HHIPL1: variants seen among roughly 807,000 people sequenced by gnomAD.
HHIPL1 encodes HHIP like 1, also known as HHIP-like protein 1.
Under a neutral mutation model 61.8 loss-of-function variants are expected in HHIPL1, and 43 were observed. That is an observed-to-expected ratio of 0.70 (90% CI 0.55 to 0.90). HHIPL1 has a LOEUF of 0.90. Among genes scored for constraint, HHIPL1 ranks in the 40% least tolerant of loss-of-function variants. The probability of loss-of-function intolerance (pLI) is 0.00; values close to 1 mark genes in which losing one functional copy is unlikely to be tolerated. For missense variants in HHIPL1, 1,056 were observed against 1,157.7 expected (o/e 0.91, Z 1.28); for synonymous variants, 482 against 515.8 (o/e 0.93, Z 0.89).
upstream of HHIPL1, among the ~76,000 whole-genome samples, chr14:99,644,945 C>T (rs191303158): frequency 2.5e-4 from 38 of 152,286 alleles, no homozygotes; most frequent in East Asian, 7.2e-3. Context: ...GAAAACACAC[C>T]GGGGCTTTAA....
chr14:99,607,948 G>T, the HHIPL1 span, among the ~76,000 whole-genome samples: 1 of 152,198 alleles, frequency 6.6e-6, no homozygotes, highest in Non-Finnish European at 1.5e-5. Flanking sequence ...GCAATGCATT[G>T]TGGTAAGTAC....
At chr14:99,621,917 G>A in the HHIPL1 span, among the ~76,000 whole-genome samples, 3 of 151,854 alleles carry the variant, frequency 2.0e-5, no homozygotes, top group South Asian at 2.1e-4. Context: ...GGGTTTCACC[G>A]TGTTGGCCAG....
At chr14:99,661,521 G>T (rs1011801100) in intron 5 of HHIPL1, among the ~76,000 whole-genome samples, 1 of 151,838 alleles carries the variant, frequency 6.6e-6, no homozygotes, top group African/African-American at 2.4e-5. Context: ...AGGCTGGAAT[G>T]CAGTGGCACA....
chr14:99,629,092 T>C, the HHIPL1 span, among the ~76,000 whole-genome samples: 1 of 152,152 alleles, frequency 6.6e-6, no homozygotes, highest in Non-Finnish European at 1.5e-5. Flanking sequence ...CCCGCGGATG[T>C]AGGACCTTTC....
the HHIPL1 span, among the ~76,000 whole-genome samples, chr14:99,636,411 G>A: frequency 0.041 from 6,168 of 152,246 alleles, 421 homozygotes; most frequent in African/African-American, 0.14. Flanking sequence ...CTCCTAGCAC[G>A]GTTGTGGGTC....
the HHIPL1 span, among the ~76,000 whole-genome samples, chr14:99,618,270 T>C: frequency 6.6e-6 from 1 of 152,208 alleles, no homozygotes; most frequent in African/African-American, 2.4e-5. Flanking sequence ...CCCAGAGCTT[T>C]GTCCTGGAAG....
the HHIPL1 span, among the ~76,000 whole-genome samples, chr14:99,628,439 G>C: frequency 6.6e-6 from 1 of 151,998 alleles, no homozygotes; most frequent in Admixed American, 6.6e-5. Flanking sequence ...AAATTAGCCA[G>C]GCCTGGTGGC....
intron 3 of HHIPL1, among the ~76,000 whole-genome samples, chr14:99,657,758 TACAC>T (rs775247532): frequency 7.4e-4 from 111 of 150,464 alleles, no homozygotes; most frequent in African/African-American, 2.4e-3. Flanking sequence ...CAAACACACA[TACAC>T]ACATGCATAT....
At chr14:99,664,741 G>A (rs1481812534) in intron 6 of HHIPL1, among the ~76,000 whole-genome samples, 1 of 152,076 alleles carries the variant, frequency 6.6e-6, no homozygotes, top group African/African-American at 2.4e-5. Flanking sequence ...GTGGCTCAGT[G>A]TCCCACCAAG....
At chr14:99,637,043 GAAAGAA>G in the HHIPL1 span, among the ~76,000 whole-genome samples, 135 of 90,414 alleles carry the variant, frequency 1.5e-3, 2 homozygotes, top group Non-Finnish European at 2.3e-3. Context: ...AAGAAAGAAA[GAAAGAA>G]GGAAGGAAGG....
chr14:99,656,392 AGGTCC>A (rs760818897), intron 2 of HHIPL1, among the ~76,000 whole-genome samples: 9 of 152,192 alleles, frequency 5.9e-5, no homozygotes, highest in African/African-American at 1.9e-4. Flanking sequence ...CTGAGCCTTT[AGGTCC>A]TCCTTGGCAC....
intron 7 of HHIPL1, chr14:99,669,391 A>AT: frequency 1.1e-6 from 1 of 948,470 alleles, no homozygotes; most frequent in Non-Finnish European, 1.3e-6. Flanking sequence ...GCAAGGCCTG[A>AT]GGTTGCACTC....
chr14:99,606,850 G>T, the HHIPL1 span, among the ~76,000 whole-genome samples: 4 of 152,040 alleles, frequency 2.6e-5, no homozygotes, highest in Non-Finnish European at 5.9e-5. Flanking sequence ...CAGGACCAGA[G>T]GAGGTGAGAG....
the HHIPL1 span, among the ~76,000 whole-genome samples, chr14:99,632,602 C>T: frequency 6.6e-6 from 1 of 152,152 alleles, no homozygotes; most frequent in Non-Finnish European, 1.5e-5. Context: ...TGTTAGATCT[C>T]TATTAATGCA....
chr14:99,650,401 G>A (rs1272199289), intron 1 of HHIPL1, among the ~76,000 whole-genome samples: 4 of 152,246 alleles, frequency 2.6e-5, no homozygotes, highest in Admixed American at 1.3e-4. Context: ...GGACTCACAG[G>A]TGGGGGAGGG....
the HHIPL1 span, among the ~76,000 whole-genome samples, chr14:99,622,011 G>A: frequency 6.6e-6 from 1 of 152,110 alleles, no homozygotes; most frequent in Non-Finnish European, 1.5e-5. Context: ...CACCGCGCCT[G>A]GCCAAAGATT....
At chr14:99,606,774 G>C in the HHIPL1 span, among the ~76,000 whole-genome samples, 1 of 152,136 alleles carries the variant, frequency 6.6e-6, no homozygotes, top group Non-Finnish European at 1.5e-5. Context: ...TGGTGGTACT[G>C]GGTGGTTTGA....
Position 99,652,765 on chromosome 14 carries a change from T to C in HHIPL1, c.797T>C (p.Leu266Pro). ...CCCAGCTTCCAGCACAACCGCAGGC[T>C]CTACGTCTACTACTCAGTGGGTATC... Reference protein sequence around the residue: ...FHPSFQHNRRLYVYYSVGIRS... With the variant: ...FHPSFQHNRRPYVYYSVGIRS... Residue 266 changes from leucine (L) to proline (P), a missense_variant, in exon 2 of 9, where the codon CTC becomes CCC. By Grantham distance (98) the Leu-to-Pro change is moderately conservative. Coordinates refer to ENST00000330710, the MANE Select transcript of HHIPL1 (RefSeq NM_001127258.3). 6.2e-7 allele frequency: 1 copy of C among 1,614,032 alleles called. No homozygotes were observed. The highest frequency in any genetic ancestry group is 8.5e-7 in the Non-Finnish European group (1 of 1,180,020).
At chr14:99,618,858 A>G in the HHIPL1 span, among the ~76,000 whole-genome samples, 3 of 152,316 alleles carry the variant, frequency 2.0e-5, no homozygotes, top group East Asian at 3.9e-4. Flanking sequence ...GGGGTTGGCC[A>G]TGTGCACCTT....
Sources: allele counts gnomAD v4.1 joint callset (sites outside exome capture counted in the v4.1 genomes callset), GRCh38; gene constraint gnomAD v4.1.1; transcripts MANE v1.5; gene names NCBI Gene and HGNC (gene_info 2026-07-23, HGNC 2026-07-21).